The following RERG variants were observed in gnomAD, a reference collection of about 807,000 sequenced individuals.
The protein encoded by RERG is RAS like estrogen regulated growth inhibitor.
RERG carries 25 observed loss-of-function variants against 23.2 expected under a neutral mutation model. That is an observed-to-expected ratio of 1.08 (90% confidence interval 0.79 to 1.50). RERG has a LOEUF of 1.50. Ranked by LOEUF, RERG falls within the 40% of genes most tolerant of loss-of-function variation. The probability of loss-of-function intolerance (pLI) is 0.00; values close to 1 mark genes in which losing one functional copy is unlikely to be tolerated. For synonymous variants in RERG, 81 were observed against 89.1 expected, an observed-to-expected ratio of 0.91 and a Z score of 0.51; for missense variants, 253 against 250.1, an observed-to-expected ratio of 1.01 and a Z score of -0.08.
At position 15,109,070 on chromosome 12, in the gene RERG, A is replaced by G; in HGVS notation, c.*40T>C. ...TTTTTGAAAGGGGAACAGAAGGGGA[A>G]GAGTGTTTCCAATTAGTTGGTCCAC... is the stretch of plus-strand genomic sequence containing the variant. On this transcript the variant is annotated 3_prime_UTR_variant, in exon 5 of 5. Transcript: ENST00000256953. The G allele has an allele frequency of 3.3e-6, 5 of 1,494,220 alleles. No homozygotes were observed. The highest frequency in any genetic ancestry group is 4.5e-6 in the Non-Finnish European group (5 of 1,113,644). The allele number at this position is 1,494,220 out of a possible 1,614,324, so 92.6% of individuals were successfully genotyped here.
At chr12:15,178,219 A>G (rs1864878467) in intron 2 of RERG, among the ~76,000 whole-genome samples, 1 of 152,268 alleles carries the variant, frequency 6.6e-6, no homozygotes, top group South Asian at 2.1e-4. Context: ...GCTCTCTACA[A>G]AATGGCTAAC....
intron 2 of RERG, among the ~76,000 whole-genome samples, chr12:15,208,631 G>A (rs1865325364): frequency 2.0e-5 from 3 of 152,096 alleles, no homozygotes; most frequent in African/African-American, 7.2e-5. Context: ...TACCAGATCA[G>A]CTCTTCTAGA....
intron 2 of RERG, among the ~76,000 whole-genome samples, chr12:15,130,286 T>C (rs1864023086): frequency 6.6e-6 from 1 of 152,188 alleles, no homozygotes; most frequent in Non-Finnish European, 1.5e-5. Flanking sequence ...GCAGTGGGCA[T>C]GGTTAACATG....
rs1039126503 is a variant in RERG at position 15,137,750 on chromosome 12, A to G, written c.62-16631T>C. On this transcript the variant is annotated intron_variant, in intron 2 of 4. Coordinates refer to ENST00000256953, the MANE Select transcript of RERG (RefSeq NM_032918.3). The stretch of plus-strand genomic sequence containing the variant: ...CTTATACATGAGCAATTATAAATAC[A>G]TTGTTTCCTTTACTACATTGAACAA... 8 of 367,326 alleles carry G rather than the reference A, an allele frequency of 2.2e-5. 1 individual carries two copies. The highest frequency in any genetic ancestry group is 4.2e-5 in the Non-Finnish European group (8 of 189,920). 22.8% of individuals were successfully genotyped at this position (367,326 alleles called of 1,614,324 possible). A position where few individuals can be genotyped will look rare whatever the true frequency, so the allele number is the denominator to read the frequency against.
chr12:15,212,902 A>G (rs1865388285), intron 2 of RERG, among the ~76,000 whole-genome samples: 1 of 152,240 alleles, frequency 6.6e-6, no homozygotes, highest in Admixed American at 6.5e-5. Flanking sequence ...AAACTTCTTT[A>G]TAATTGACAG....
intron 4 of RERG, among the ~76,000 whole-genome samples, chr12:15,110,067 T>G (rs1448696305): frequency 1.3e-5 from 2 of 152,202 alleles, no homozygotes; most frequent in Non-Finnish European, 2.9e-5. Flanking sequence ...AACTCTATGC[T>G]AAAGGATTTG....
chr12:15,125,243 A>T (rs955280678), intron 2 of RERG, among the ~76,000 whole-genome samples: 1 of 152,012 alleles, frequency 6.6e-6, no homozygotes, highest in Non-Finnish European at 1.5e-5. Flanking sequence ...AGAGAAGGTA[A>T]ATGTGGGTAA....
chr12:15,151,145 TG>T (rs1374297042), intron 2 of RERG, among the ~76,000 whole-genome samples: 1 of 152,212 alleles, frequency 6.6e-6, no homozygotes, highest in Non-Finnish European at 1.5e-5. Flanking sequence ...GTTGTGACTA[TG>T]GGTGATTTTT....
At chr12:15,129,291 A>C (rs910571856) in intron 2 of RERG, among the ~76,000 whole-genome samples, 11 of 149,892 alleles carry the variant, frequency 7.3e-5, no homozygotes, top group African/African-American at 1.5e-4. Flanking sequence ...AAAAAAAAAA[A>C]CCCTCAGAAA....
chr12:15,207,809 A>T (rs1328827501), intron 2 of RERG, among the ~76,000 whole-genome samples: 1 of 152,152 alleles, frequency 6.6e-6, no homozygotes, highest in Non-Finnish European at 1.5e-5. Flanking sequence ...GGCTGTCATA[A>T]GGAGAGGGAT....
chr12:15,185,554 G>A (rs890096472), intron 2 of RERG, among the ~76,000 whole-genome samples: 7 of 152,092 alleles, frequency 4.6e-5, no homozygotes, highest in African/African-American at 1.7e-4. Context: ...AAGTAATTGC[G>A]TCATTTTTTA....
At chr12:15,142,126 TATTG>T (rs761223277) in intron 2 of RERG, among the ~76,000 whole-genome samples, 2 of 152,228 alleles carry the variant, frequency 1.3e-5, no homozygotes, top group Non-Finnish European at 2.9e-5. Flanking sequence ...AATCACAAAA[TATTG>T]ATTATTCTCC....
At chr12:15,142,307 C>A (rs1031836973) in intron 2 of RERG, among the ~76,000 whole-genome samples, 1 of 152,166 alleles carries the variant, frequency 6.6e-6, no homozygotes, top group Non-Finnish European at 1.5e-5. Flanking sequence ...CAGGAATATT[C>A]TCTTGCTAGC....
intron 4 of RERG, among the ~76,000 whole-genome samples, chr12:15,110,355 C>A (rs375160034): frequency 2.0e-5 from 3 of 150,964 alleles, no homozygotes; most frequent in Non-Finnish European, 4.4e-5. Context: ...ATTTCAAGAA[C>A]CTTTCTGGGT....
intron 2 of RERG, among the ~76,000 whole-genome samples, chr12:15,199,568 T>C (rs1865189905): frequency 6.6e-6 from 1 of 152,096 alleles, no homozygotes; most frequent in Admixed American, 6.6e-5. Flanking sequence ...AACCCCTTGG[T>C]ATCTCAATGT....
intron 2 of RERG, among the ~76,000 whole-genome samples, chr12:15,187,378 CCTT>C (rs998772552): frequency 1.8e-4 from 27 of 152,112 alleles, no homozygotes; most frequent in Non-Finnish European, 2.4e-4. Flanking sequence ...CCAGCAAACT[CCTT>C]AAGTCTGGGG....
chr12:15,202,286 G>C (rs771034727), intron 2 of RERG, among the ~76,000 whole-genome samples: 13 of 151,648 alleles, frequency 8.6e-5, no homozygotes, highest in Non-Finnish European at 1.6e-4. Context: ...TTATATGTCT[G>C]TGTGTATGTT....
intron 2 of RERG, among the ~76,000 whole-genome samples, chr12:15,203,885 T>C (rs1865250235): frequency 6.6e-6 from 1 of 151,528 alleles, no homozygotes; most frequent in Non-Finnish European, 1.5e-5. Context: ...GACTTATAAA[T>C]TGAGAACTAT....
At chr12:15,185,083 A>G (rs896577752) in intron 2 of RERG, among the ~76,000 whole-genome samples, 4 of 152,226 alleles carry the variant, frequency 2.6e-5, no homozygotes, top group Admixed American at 6.5e-5. Context: ...CAGACCCCCA[A>G]TTATTTTTTC....
Sources: gnomAD v4.1 joint callset for allele counts (sites outside exome capture counted in the v4.1 genomes callset) on GRCh38, gnomAD v4.1.1 for gene constraint, MANE v1.5 for transcripts, NCBI Gene and HGNC (gene_info 2026-07-23, HGNC 2026-07-21) for gene names.